IRS2: variants seen among roughly 807,000 people sequenced by gnomAD.
IRS2 encodes insulin receptor substrate 2.
IRS2 carries 28 observed loss-of-function variants against 70.9 expected under a neutral mutation model. That is an observed-to-expected ratio of 0.39 (90% CI 0.29 to 0.54). The LOEUF (loss-of-function observed/expected upper bound fraction) is 0.54. Ranked by LOEUF, IRS2 falls within the 20% of genes least tolerant of loss-of-function variation. The probability of loss-of-function intolerance (pLI) is 0.59; values close to 1 mark genes in which losing one functional copy is unlikely to be tolerated. For missense variants in IRS2, 2,081 were observed against 2,024.1 expected (o/e 1.03, Z -0.54); for synonymous variants, 1,217 against 981.9 (o/e 1.24, Z -4.48).
rs1877909293 is a variant in IRS2, at chr13:109,785,928, A to G, written c.126T>C (p.His42=). The change falls in exon 1 of 2, where the codon CAT becomes CAC. Residue 42 remains histidine, a synonymous_variant. Coordinates refer to ENST00000375856, the MANE Select transcript of IRS2 (RefSeq NM_003749.3). This position sits in a 1 kb window ranked among gnomAD's most constrained non-coding sequence, Gnocchi z 9.3. ...GCAGCACGAAGAAGCGCTTGTGGCC[A>G]TGCTTCTGCTTGCGCAGGTAGCCGC... ...RKCGYLRKQK[H]GHKRFFVLRG... 6.7e-7 allele frequency: 1 copy of G among 1,496,964 alleles called. No individual in the cohort carries two copies. The highest frequency in any genetic ancestry group is 1.3e-5 in the South Asian group (1 of 79,900). The allele number at this position is 1,496,964 out of a possible 1,614,324, so 92.7% of individuals were successfully genotyped here. A position where few individuals can be genotyped will look rare whatever the true frequency, so the allele number is the denominator to read the frequency against.
intron 1 of IRS2, among the ~76,000 whole-genome samples, chr13:109,781,373 C>T (rs1347096882): frequency 1.3e-5 from 2 of 152,214 alleles, no homozygotes; most frequent in Non-Finnish European, 2.9e-5. Context: ...AGGTAACTCC[C>T]ACATATGCTC....
At position 109,783,414 on chromosome 13, in the gene IRS2, G is replaced by C; in HGVS notation, c.2640C>G (p.Phe880Leu). ...TCACCGCCCGGCCGCGCTGGCCCAA[G>C]AAGCCCTCCGGGCGGCCGCCGCTAG... is the stretch of plus-strand genomic sequence containing the variant. ...VRPSGGRPEG[F>L]LGQRGRAVRP... The change falls in exon 1 of 2, where the codon TTC becomes TTG. Residue 880 changes from phenylalanine to leucine, a missense_variant. Around this residue, in one of 4 missense-constraint regions of IRS2, gnomAD observed 1,615 missense variants for 1,459.5 expected, o/e 1.11. Transcript: ENST00000375856. 1 of 1,486,374 alleles carries C rather than the reference G, an allele frequency of 6.7e-7. No individual in the cohort carries two copies. The highest frequency in any genetic ancestry group is 1.3e-5 in the South Asian group (1 of 76,970). The allele number at this position is 1,486,374 out of a possible 1,614,324, so 92.1% of individuals were successfully genotyped here.
chr13:109,764,387 G>A (rs934885432), intron 1 of IRS2, among the ~76,000 whole-genome samples: 1 of 152,156 alleles, frequency 6.6e-6, no homozygotes, highest in African/African-American at 2.4e-5. Context: ...TTATGAAGAT[G>A]GGGGCACTAC....
intron 1 of IRS2, among the ~76,000 whole-genome samples, chr13:109,767,058 G>T (rs111761245): frequency 1.7e-3 from 265 of 152,326 alleles, no homozygotes; most frequent in African/African-American, 6.1e-3. Context: ...CCAGATCTGC[G>T]AAATGCTTTG....
At position 109,782,424 on chromosome 13, in the gene IRS2, C is replaced by A. The variant is rs373029350; in HGVS notation, c.3630G>T (p.Ala1210=). The part of the protein sequence containing the change: ...PPTSPRQLQP[A]PPLAPQGRPW... ...GCCGGCCCTGCGGTGCCAAAGGGGG[C>A]GCCGGCTGCAACTGTCGTGGGGAGG... The change falls in exon 1 of 2, where the codon GCG becomes GCT. Residue 1210 remains alanine, a synonymous_variant. Coordinates refer to ENST00000375856, the MANE Select transcript of IRS2 (RefSeq NM_003749.3). The A allele has an allele frequency of 1.1e-5, 17 of 1,595,000 alleles. No homozygotes were observed. In the African/African-American group the frequency reaches 2.2e-4, roughly 20 times the overall value.
At chr13:109,773,703 G>A (rs1287546956) in intron 1 of IRS2, among the ~76,000 whole-genome samples, 3 of 152,182 alleles carry the variant, frequency 2.0e-5, no homozygotes, top group Non-Finnish European at 2.9e-5. Context: ...TTTATAACGC[G>A]TTTCTTCATT....
rs1411191132 is a variant in IRS2 at position 109,762,791 on chromosome 13, T to C, written c.4013-6483A>G. Among the ~76,000 whole-genome samples the C allele has an allele frequency of 2.0e-5, 3 of 152,354 alleles. No individual in the cohort carries two copies. In the East Asian group the frequency reaches 5.8e-4, roughly 29 times the overall value. On this transcript the variant is annotated intron_variant, in intron 1 of 1. Transcript: ENST00000375856. ...ATTAAATTGAAGCGAAAACCCCATG[T>C]GGTTCATGCCATTTCTCACAGGCAG... is the stretch of plus-strand genomic sequence containing the variant.
intron 1 of IRS2, among the ~76,000 whole-genome samples, chr13:109,780,624 T>G (rs915286749): frequency 2.6e-5 from 4 of 152,194 alleles, no homozygotes; most frequent in African/African-American, 9.7e-5. Context: ...AGATGCTGGA[T>G]TTAGATAGCA....
chr13:109,772,652 C>G (rs1348960814), intron 1 of IRS2, among the ~76,000 whole-genome samples: 1 of 151,908 alleles, frequency 6.6e-6, no homozygotes, highest in Non-Finnish European at 1.5e-5. Flanking sequence ...CACTGCACTG[C>G]CCACAAGAGT....
chr13:109,784,866 G>C lies in IRS2; in HGVS notation c.1188C>G (p.Arg396=). 1 of 1,139,446 alleles carries C rather than the reference G, an allele frequency of 8.8e-7. No individual in the cohort carries two copies. The highest frequency in any genetic ancestry group is 3.5e-5 in the South Asian group (1 of 28,436). The allele number at this position is 1,139,446 out of a possible 1,614,324, so 70.6% of individuals were successfully genotyped here. The change falls in exon 1 of 2, where the codon CGC becomes CGG. Residue 396 remains arginine (R), a synonymous_variant. Transcript: ENST00000375856. The surrounding 1 kb of genome is among the most constrained non-coding windows in gnomAD (Gnocchi z 5.2). ...AGSPLSPGPV[R]APLSRSHTLS... is the part of the protein sequence containing the mutation. The stretch of plus-strand genomic sequence containing the variant: ...GGGTGTGCGAGCGGCTCAGGGGCGC[G>C]CGCACCGGCCCGGGGCTCAGGGGGC...
At chr13:109,777,264 C>T (rs1303507595) in intron 1 of IRS2, among the ~76,000 whole-genome samples, 1 of 152,036 alleles carries the variant, frequency 6.6e-6, no homozygotes, top group Non-Finnish European at 1.5e-5. Context: ...TAGAAAAAAA[C>T]CAAAACAAAC....
rs766430714 is a variant in IRS2 at position 109,782,373 on chromosome 13, G to A, written c.3681C>T (p.Gly1227=). Residue 1227 remains glycine (G), a synonymous_variant, in exon 1 of 2, where the codon GGC becomes GGT. Coordinates refer to ENST00000375856, the MANE Select transcript of IRS2 (RefSeq NM_003749.3). The part of the protein sequence containing the change: ...GRPWTPGQPG[G]LVGCPGSGGS... Reference sequence around the variant, plus strand: ...CACCGCTCCCAGGACAACCGACCAAGCCCCCGGGCTGACCCGGGGTCCACG... The same window carrying A: ...CACCGCTCCCAGGACAACCGACCAAACCCCCGGGCTGACCCGGGGTCCACG... The A allele has an allele frequency of 2.5e-6, 4 of 1,611,312 alleles. No homozygotes were observed. The highest frequency in any genetic ancestry group is 2.2e-5 in the South Asian group (2 of 91,038).
Position 109,784,901 on chromosome 13 carries a change from C to T in IRS2, c.1153G>A (p.Val385Met). 1 of 1,071,228 alleles carries T rather than the reference C, an allele frequency of 9.3e-7. No homozygotes were observed. Among genetic ancestry groups the T allele is most frequent in the Non-Finnish European group, 1.1e-6 (1 of 886,258 alleles). 66.4% of individuals were successfully genotyped at this position (1,071,228 alleles called of 1,614,324 possible). ...CCGGGGCTCAGGGGGCTCCCAGCCACCGACACCGGCCTGGCGCCCGCGGCC... is the reference window on the plus strand; with the variant it reads ...CCGGGGCTCAGGGGGCTCCCAGCCATCGACACCGGCCTGGCGCCCGCGGCC... The part of the protein sequence containing the change: ...AAAAGARPVS[V>M]AGSPLSPGPV... The change falls in exon 1 of 2, where the codon GTG becomes ATG. Residue 385 changes from valine (V) to methionine (M), a missense_variant. Around this residue, in one of 4 missense-constraint regions of IRS2, gnomAD observed 1,615 missense variants for 1,459.5 expected, o/e 1.11. Transcript: ENST00000375856. The surrounding 1 kb of genome is among the most constrained non-coding windows in gnomAD (Gnocchi z 5.2).
In IRS2 at chr13:109,785,857, G is replaced by C. The variant is rs2138939417; in HGVS notation, c.197C>G (p.Ser66Trp). ...CTCGAGCCGCGGCGGTTGCGGCGCC[G>C]ACCCCCCGCCCGCCGTCGCCTCGTC... ...GGDEATAGGG[S>W]APQPPRLEYY... The change falls in exon 1 of 2, where the codon TCG (serine) becomes TGG (tryptophan). Residue 66 changes from serine (S) to tryptophan (W), a missense_variant. Transcript: ENST00000375856. The surrounding 1 kb of genome is among the most constrained non-coding windows in gnomAD (Gnocchi z 9.3). 1 of 1,516,206 alleles carries C rather than the reference G, an allele frequency of 6.6e-7. No homozygotes were observed. The highest frequency in any genetic ancestry group is 8.8e-7 in the Non-Finnish European group (1 of 1,136,890). 93.9% of individuals were successfully genotyped at this position (1,516,206 alleles called of 1,614,324 possible). A position where few individuals can be genotyped will look rare whatever the true frequency, so the allele number is the denominator to read the frequency against.
chr13:109,775,753 AACACACACACACACAC>A (rs71127906), intron 1 of IRS2, among the ~76,000 whole-genome samples: 448 of 140,528 alleles, frequency 3.2e-3, no homozygotes, highest in Non-Finnish European at 5.1e-3. Context: ...ATATTATGGA[AACACACACACACACAC>A]ACACACACAC....
At chr13:109,760,583 T>C (rs1039286411) in intron 1 of IRS2, among the ~76,000 whole-genome samples, 10 of 152,248 alleles carry the variant, frequency 6.6e-5, no homozygotes, top group African/African-American at 2.4e-4. Flanking sequence ...CTTTCTGCTG[T>C]CGCTTGTGAC....
At chr13:109,768,757 G>C (rs892971198) in intron 1 of IRS2, among the ~76,000 whole-genome samples, 4 of 151,950 alleles carry the variant, frequency 2.6e-5, no homozygotes, top group African/African-American at 9.7e-5. Context: ...AGAAGATACA[G>C]AATCAGGCAG....
At chr13:109,780,921 G>A (rs539511597) in intron 1 of IRS2, among the ~76,000 whole-genome samples, 1 of 152,270 alleles carries the variant, frequency 6.6e-6, no homozygotes, top group East Asian at 1.9e-4. Flanking sequence ...TGCACCACCA[G>A]CTGCATTCTG....
intron 1 of IRS2, among the ~76,000 whole-genome samples, chr13:109,775,790 ACACACAC>A (rs1328975309): frequency 6.6e-6 from 1 of 151,298 alleles, no homozygotes; most frequent in Non-Finnish European, 1.5e-5. Context: ...ACACACACAC[ACACACAC>A]ACCAGCCCCA....
Sources: allele counts gnomAD v4.1 joint callset (sites outside exome capture counted in the v4.1 genomes callset), GRCh38; gene constraint gnomAD v4.1.1; regional missense constraint gnomAD v4.1.1; non-coding constraint Gnocchi (gnomAD v3.1); transcripts MANE v1.5; gene names NCBI Gene and HGNC (gene_info 2026-07-23, HGNC 2026-07-21).